MTFR1: variants seen among roughly 807,000 people sequenced by gnomAD.
The protein encoded by MTFR1 is mitochondrial fission regulator 1.
MTFR1 carries 28 observed loss-of-function variants against 38.8 expected under a neutral mutation model. The ratio of observed to expected loss-of-function variants is 0.72; its 90% confidence interval spans 0.53 to 0.99. The LOEUF is 0.99. Among genes scored for constraint, MTFR1 ranks in the 50% least tolerant of loss-of-function variants. The pLI is 0.00. For missense variants in MTFR1, 358 were observed against 395.5 expected, an observed-to-expected ratio of 0.91 and a Z score of 0.81; for synonymous variants, 145 against 137.0, an observed-to-expected ratio of 1.06 and a Z score of -0.41.
chr8:65,730,471 A>C (rs1301259133), intron 3 of MTFR1, among the ~76,000 whole-genome samples: 2 of 151,998 alleles, frequency 1.3e-5, no homozygotes, highest in South Asian at 4.2e-4. Flanking sequence ...TGAGCCACCA[A>C]GCCCAGCCAG....
At chr8:65,724,205 A>T in intron 3 of MTFR1, 1 of 961,050 alleles carries the variant, frequency 1.0e-6, no homozygotes, top group Non-Finnish European at 1.6e-6. Context: ...TTACGATGTT[A>T]AAAAAAAATG....
intron 2 of MTFR1, among the ~76,000 whole-genome samples, chr8:65,675,946 G>T (rs973708774): frequency 6.6e-6 from 1 of 152,148 alleles, no homozygotes; most frequent in African/African-American, 2.4e-5. Context: ...ATGTGATTCT[G>T]ATTAATTTCA....
At chr8:65,763,864 C>T (rs1808634020) in intron 3 of MTFR1, among the ~76,000 whole-genome samples, 1 of 152,218 alleles carries the variant, frequency 6.6e-6, no homozygotes, top group South Asian at 2.1e-4. Context: ...TACCATTAAA[C>T]TGTATTAAGA....
At chr8:65,692,964 C>T (rs367923614) in intron 3 of MTFR1, among the ~76,000 whole-genome samples, 5 of 149,286 alleles carry the variant, frequency 3.3e-5, no homozygotes, top group South Asian at 2.1e-4. Flanking sequence ...GGCACGATCT[C>T]GGCTCACCGC....
intron 3 of MTFR1, among the ~76,000 whole-genome samples, chr8:65,736,375 G>A (rs1467005708): frequency 6.6e-6 from 1 of 152,176 alleles, no homozygotes. Flanking sequence ...ATGGGTAACT[G>A]AAACCACAGA....
chr8:65,742,095 A>T (rs1416145181), intron 3 of MTFR1, among the ~76,000 whole-genome samples: 2 of 152,272 alleles, frequency 1.3e-5, no homozygotes, highest in Non-Finnish European at 2.9e-5. Context: ...CAGTTGTGTT[A>T]AACAAAAACC....
At chr8:65,699,382 A>AT (rs1433448442) in intron 4 of MTFR1, among the ~76,000 whole-genome samples, 3 of 152,184 alleles carry the variant, frequency 2.0e-5, no homozygotes, top group South Asian at 4.1e-4. Flanking sequence ...GGGTCAAACA[A>AT]TAGTTCTCTT....
At chr8:65,686,744 G>A (rs1308693944) in intron 3 of MTFR1, among the ~76,000 whole-genome samples, 4 of 152,040 alleles carry the variant, frequency 2.6e-5, no homozygotes, top group African/African-American at 9.7e-5. Context: ...CCACTGTGGT[G>A]AAACCCCATC....
At chr8:65,714,190 T>C (rs1806041343), downstream of MTFR1, 1 of 150,110 alleles carries the variant, frequency 6.7e-6, no homozygotes, top group Admixed American at 6.7e-5. Context: ...AATGCCCCCC[T>C]TTATTATATA....
chr8:65,662,032 C>CCTCTCTCTCCCT (rs764025677), intron 1 of MTFR1, among the ~76,000 whole-genome samples: 96 of 100,552 alleles, frequency 9.5e-4, no homozygotes, highest in Admixed American at 1.5e-3. Flanking sequence ...TCTCTCTCTC[C>CCTCTCTCTCCCT]CTCTCTCTCC....
At chr8:65,725,921 C>G (rs1472232195) in intron 3 of MTFR1, among the ~76,000 whole-genome samples, 1 of 152,046 alleles carries the variant, frequency 6.6e-6, no homozygotes, top group Non-Finnish European at 1.5e-5. Flanking sequence ...ATTTGTACTA[C>G]AGCAAAAAAT....
At chr8:65,728,422 G>T (rs1342770539) in intron 3 of MTFR1, 2 of 152,152 alleles carry the variant, frequency 1.3e-5, no homozygotes, top group African/African-American at 2.4e-5. Flanking sequence ...AGAAATCACT[G>T]TCTGAGGGCT....
At chr8:65,710,988 T>TAG (rs68005266), downstream of MTFR1, among the ~76,000 whole-genome samples, 48 of 148,012 alleles carry the variant, frequency 3.2e-4, no homozygotes, top group South Asian at 1.1e-3. Context: ...CATATATATA[T>TAG]ATAGAGAGAG....
rs371620919 is a variant in MTFR1 at position 65,750,474 on chromosome 8, C to CTGTGTGTGTGTGTG, written c.*49-20457_*49-20444dup. On this transcript the variant is annotated intron_variant, in intron 3 of 3. Transcript: ENST00000521247. Reference sequence around the variant, plus strand: ...TATGTATATATGTAAATTAGAATCACTGTGTGTGTGTGTGTGTGTGTGTGT... The same window carrying CTGTGTGTGTGTGTG: ...TATGTATATATGTAAATTAGAATCACTGTGTGTGTGTGTGTGTGTGTGTGTGTGTGTGTGTGTGT... Among the ~76,000 whole-genome samples the CTGTGTGTGTGTGTG allele has an allele frequency of 8.7e-3, 1,246 of 142,600 alleles. 4 individuals carry two copies. Among genetic ancestry groups the CTGTGTGTGTGTGTG allele is most frequent in the African/African-American group, 0.011 (409 of 38,140 alleles). 93.6% of individuals were successfully genotyped at this position (142,600 alleles called of 152,430 possible).
At chr8:65,684,429 A>G (rs565467486) in intron 3 of MTFR1, among the ~76,000 whole-genome samples, 7 of 149,974 alleles carry the variant, frequency 4.7e-5, no homozygotes, top group African/African-American at 1.7e-4. Context: ...CTTGTTGCCT[A>G]GGCTGGAGTG....
Position 65,730,941 on chromosome 8 carries a change from AATAAAAAC to A in MTFR1, c.*48+11470_*48+11477del, listed in dbSNP as rs1295703804. Among the ~76,000 whole-genome samples the A allele has an allele frequency of 7.2e-5, 11 of 152,202 alleles. No individual in the cohort carries two copies. In the East Asian group the frequency reaches 1.9e-3, roughly 27 times the overall value. On this transcript the variant is annotated intron_variant, in intron 3 of 3. Transcript: ENST00000521247. ...CCATCTGAAAAACAAAACAGAACAA[AATAAAAAC>A]ATAAAAACAGAGAACAGTTAGAGTA...
intron 4 of MTFR1, among the ~76,000 whole-genome samples, chr8:65,701,891 A>G (rs1805620151): frequency 6.6e-6 from 1 of 152,178 alleles, no homozygotes; most frequent in South Asian, 2.1e-4. Context: ...GGATCAGAGC[A>G]AGGTTTCCTA....
rs187144009 is a variant in MTFR1 at position 65,649,563 on chromosome 8, G to A, written c.-81+4779G>A. 7.2e-5 allele frequency among the ~76,000 whole-genome samples: 11 copies of A among 152,200 alleles called. No homozygotes were observed. The East Asian group carries it at 1.2e-3, about 16-fold the overall frequency. Reference sequence around the variant, plus strand: ...GGGTACGTGAGATATTTTAATACAGGCATATAATGTGTAATAATCACATCA... The same window carrying A: ...GGGTACGTGAGATATTTTAATACAGACATATAATGTGTAATAATCACATCA... On this transcript the variant is annotated intron_variant, in intron 1 of 7. Coordinates refer to ENST00000262146, the MANE Select transcript of MTFR1 (RefSeq NM_014637.4).
At chr8:65,688,369 C>T (rs1162173552) in intron 3 of MTFR1, among the ~76,000 whole-genome samples, 3 of 151,598 alleles carry the variant, frequency 2.0e-5, no homozygotes, top group African/African-American at 7.3e-5. Context: ...CACTGCACTC[C>T]AGCCTGGGTG....
Sources: gnomAD v4.1 joint callset for allele counts (sites outside exome capture counted in the v4.1 genomes callset) on GRCh38, gnomAD v4.1.1 for gene constraint, MANE v1.5 for transcripts, NCBI Gene and HGNC (gene_info 2026-07-23, HGNC 2026-07-21) for gene names.